ELMO1: variants seen among roughly 807,000 people sequenced by gnomAD.
ELMO1 encodes engulfment and cell motility protein 1.
ELMO1 carries 26 observed loss-of-function variants against 98.9 expected under a neutral mutation model. That is an observed-to-expected ratio of 0.26 (90% CI 0.19 to 0.36). The LOEUF is 0.36. ELMO1 is among the 10% of genes least tolerant of loss of function. The probability of loss-of-function intolerance (pLI) is 1.00; values close to 1 mark genes in which losing one functional copy is unlikely to be tolerated. For missense variants in ELMO1, 627 were observed against 935.2 expected (o/e 0.67, Z 4.30); for synonymous variants, 346 against 346.0 (o/e 1.00, Z 0.00).
chr7:37,175,578 GCT>G (rs1790454424), intron 13 of ELMO1, among the ~76,000 whole-genome samples: 1 of 152,192 alleles, frequency 6.6e-6, no homozygotes, highest in Non-Finnish European at 1.5e-5. Context: ...GGGCACTGTG[GCT>G]CATGCCTGTA....
chr7:37,067,197 CG>C (rs1427476587), intron 15 of ELMO1, among the ~76,000 whole-genome samples: 86 of 152,262 alleles, frequency 5.6e-4, no homozygotes, highest in Non-Finnish European at 5.9e-5. Flanking sequence ...GAGGGTGGCA[CG>C]CAACCCAAGC....
intron 1 of ELMO1, among the ~76,000 whole-genome samples, chr7:37,367,010 A>T (rs189952571): frequency 9.0e-4 from 137 of 152,348 alleles, no homozygotes; most frequent in African/African-American, 3.1e-3. Flanking sequence ...TCTAATGAGA[A>T]TGTTGCAAGC....
chr7:37,437,027 C>G (rs1805179836), intron 1 of ELMO1, among the ~76,000 whole-genome samples: 1 of 152,202 alleles, frequency 6.6e-6, no homozygotes, highest in East Asian at 1.9e-4. Flanking sequence ...CAGTCCCCTA[C>G]TTGGTGGAAG....
chr7:37,404,891 C>T (rs1803688476), intron 1 of ELMO1, among the ~76,000 whole-genome samples: 1 of 152,200 alleles, frequency 6.6e-6, no homozygotes. Context: ...TTGCTTGGCT[C>T]ACATCCTTTC....
chr7:37,364,194 A>G (rs17171010), intron 1 of ELMO1, among the ~76,000 whole-genome samples: 2,536 of 152,320 alleles, frequency 0.017, 70 homozygotes, highest in African/African-American at 0.058. Flanking sequence ...ATCCTCAATC[A>G]GTGTTTACCT....
At chr7:37,057,803 G>A (rs1157832293) in intron 15 of ELMO1, among the ~76,000 whole-genome samples, 1 of 152,208 alleles carries the variant, frequency 6.6e-6, no homozygotes, top group East Asian at 1.9e-4. Context: ...GAGGAGGGGA[G>A]TACTGGCAGT....
intron 14 of ELMO1, among the ~76,000 whole-genome samples, chr7:37,129,248 C>T (rs552768568): frequency 3.9e-4 from 53 of 134,206 alleles, no homozygotes; most frequent in African/African-American, 1.7e-3. Context: ...TTGAAGCACT[C>T]GGAACTCTTT....
At chr7:37,177,155 T>C (rs546547481) in intron 13 of ELMO1, among the ~76,000 whole-genome samples, 12 of 152,316 alleles carry the variant, frequency 7.9e-5, no homozygotes, top group Admixed American at 2.6e-4. Flanking sequence ...ACTCTAAACA[T>C]AGCATGTTCT....
intron 16 of ELMO1, among the ~76,000 whole-genome samples, chr7:36,970,119 A>C (rs1358601354): frequency 6.6e-6 from 1 of 151,466 alleles, no homozygotes; most frequent in Non-Finnish European, 1.5e-5. Context: ...TTCATTTTTC[A>C]GGCTCTCCTT....
intron 1 of ELMO1, among the ~76,000 whole-genome samples, chr7:37,368,303 T>C (rs1031929028): frequency 5.9e-5 from 9 of 152,192 alleles, no homozygotes; most frequent in African/African-American, 1.9e-4. Context: ...ATTAAAGTGA[T>C]TAGCATTTCT....
chr7:36,928,330 C>A (rs554101608), intron 16 of ELMO1, among the ~76,000 whole-genome samples: 1 of 152,132 alleles, frequency 6.6e-6, no homozygotes, highest in Non-Finnish European at 1.5e-5. Context: ...AGGGCCTTGA[C>A]GGCAATGCTT....
chr7:37,427,246 A>G (rs1804748803), intron 1 of ELMO1, among the ~76,000 whole-genome samples: 1 of 152,222 alleles, frequency 6.6e-6, no homozygotes, highest in South Asian at 2.1e-4. Context: ...CATCTCTGTG[A>G]TGTGCTACGT....
At chr7:37,216,535 C>A in intron 11 of ELMO1, 110 bp downstream of exon 11, 1 of 1,265,278 alleles carries the variant, frequency 7.9e-7, no homozygotes, top group Non-Finnish European at 1.1e-6. Flanking sequence ...ACTGCTTCAC[C>A]ACAGAAGGAA....
At chr7:37,430,309 G>A (rs1288756939) in intron 1 of ELMO1, among the ~76,000 whole-genome samples, 2 of 152,154 alleles carry the variant, frequency 1.3e-5, no homozygotes, top group Non-Finnish European at 1.5e-5. Flanking sequence ...TGCCCACTGC[G>A]ACCTCATCTT....
chr7:37,443,221 C>T (rs1189386823), intron 1 of ELMO1, among the ~76,000 whole-genome samples: 1 of 152,216 alleles, frequency 6.6e-6, no homozygotes, highest in Non-Finnish European at 1.5e-5. Context: ...ACATCTCAGT[C>T]CTTAGTCCAG....
intron 13 of ELMO1, among the ~76,000 whole-genome samples, chr7:37,133,730 G>A (rs1009589887): frequency 6.6e-5 from 10 of 152,034 alleles, no homozygotes; most frequent in Admixed American, 5.9e-4. Context: ...AACTGTCCAG[G>A]GCTACACAGT....
At chr7:36,964,722 T>C (rs1789262175) in intron 16 of ELMO1, among the ~76,000 whole-genome samples, 1 of 152,190 alleles carries the variant, frequency 6.6e-6, no homozygotes. Context: ...ACCTACTTCC[T>C]TCCTCCTCCA....
chr7:37,059,590 A>C (rs144648534), intron 15 of ELMO1, among the ~76,000 whole-genome samples: 1 of 152,306 alleles, frequency 6.6e-6, no homozygotes, highest in East Asian at 1.9e-4. Context: ...TAATCATTTG[A>C]AATTATTTTT....
chr7:37,186,666 C>G (rs1038613713), intron 13 of ELMO1, among the ~76,000 whole-genome samples: 2 of 151,994 alleles, frequency 1.3e-5, no homozygotes, highest in African/African-American at 4.8e-5. Context: ...CAGACATTTC[C>G]CCAAAGAAGT....
Sources: allele counts gnomAD v4.1 joint callset (sites outside exome capture counted in the v4.1 genomes callset), GRCh38; gene constraint gnomAD v4.1.1; transcripts MANE v1.5; gene names NCBI Gene and HGNC (gene_info 2026-07-23, HGNC 2026-07-21).